Variants in SFXN4 observed in about 807,000 individuals in gnomAD.
SFXN4 encodes sideroflexin 4, also known as sideroflexin-4.
In SFXN4, 48 loss-of-function variants were observed where a neutral mutation model predicts 54.6. The ratio of observed to expected loss-of-function variants is 0.88; its 90% CI spans 0.70 to 1.12. The LOEUF is 1.12. Ranked by LOEUF, SFXN4 falls within the 50% of genes most tolerant of loss-of-function variation. SFXN4 has a pLI of 0.00. For missense variants in SFXN4, 383 were observed against 409.2 expected, an observed-to-expected ratio of 0.94 and a Z score of 0.55; for synonymous variants, 130 against 145.5, an observed-to-expected ratio of 0.89 and a Z score of 0.77.
rs1226607664 is a variant in SFXN4, at chr10:119,162,380, G to A, written c.212C>T (p.Thr71Ile). ...GGCAGGGCTGGAAACATCTTCATTTGTGCACAATAGTTGCCTCGAGTTTTC... is the reference window on the plus strand; with the variant it reads ...GGCAGGGCTGGAAACATCTTCATTTATGCACAATAGTTGCCTCGAGTTTTC... Reference protein sequence around the residue: ...SIENSRQLLCTNEDVSSPASA... With the variant: ...SIENSRQLLCINEDVSSPASA... Residue 71 changes from threonine (T) to isoleucine (I), a missense_variant, in exon 3 of 14, where the codon ACA becomes ATA. Transcript: ENST00000355697. 3.1e-6 allele frequency: 5 copies of A among 1,614,110 alleles called. No homozygotes were observed. The highest frequency in any genetic ancestry group is 3.4e-6 in the Non-Finnish European group (4 of 1,180,000).
chr10:119,149,971 A>G (rs896746187), intron 11 of SFXN4, among the ~76,000 whole-genome samples: 1 of 152,098 alleles, frequency 6.6e-6, no homozygotes, highest in African/African-American at 2.4e-5. Context: ...GTCGGGGGAA[A>G]CAACAGCCAC....
chr10:119,142,136 G>A lies in SFXN4; in HGVS notation c.937-817C>T, dbSNP rs79670158. ...GGATCACTTGAGCCTGGGAGTCAAG[G>A]CTGCAGTAAGCCATGATCATACCAC... On this transcript the variant is annotated intron_variant, in intron 13 of 13. Coordinates refer to ENST00000355697, the MANE Select transcript of SFXN4 (RefSeq NM_213649.2). 5.4e-3 allele frequency among the ~76,000 whole-genome samples: 819 copies of A among 152,244 alleles called. 18 individuals are homozygous for A. Among genetic ancestry groups the A allele is most frequent in the East Asian group, 0.044 (227 of 5,188 alleles).
At chr10:119,147,144 G>A (rs1365394925) in intron 12 of SFXN4, among the ~76,000 whole-genome samples, 3 of 152,200 alleles carry the variant, frequency 2.0e-5, no homozygotes, top group Non-Finnish European at 4.4e-5. Context: ...AGGAGAGAAG[G>A]ACTCGACACC....
At chr10:119,154,938 C>T (rs1393736487) in intron 11 of SFXN4, 124 bp downstream of exon 11, 1 of 652,634 alleles carries the variant, frequency 1.5e-6, no homozygotes. Flanking sequence ...TCTCTCTCAG[C>T]ATGCTAAGGA....
Position 119,155,166 on chromosome 10 carries a change from C to T in SFXN4, c.628G>A (p.Gly210Arg), listed in dbSNP as rs748015385. ...LPVIFLVQAS[G>R]MNVYMSRSLE... ...CTTCGGGACATGTAGACATTCATTC[C>T]ACTGGCTTGCACTGTAGATGTAAAG... Residue 210 changes from glycine to arginine, a missense_variant, in exon 11 of 14, where the codon GGA becomes AGA. Physicochemically the swap from Gly to Arg is moderately radical, Grantham distance 125. Coordinates refer to ENST00000355697, the MANE Select transcript of SFXN4 (RefSeq NM_213649.2). 16 of 1,611,494 alleles carry T rather than the reference C, an allele frequency of 9.9e-6. No individual in the cohort carries two copies. The highest frequency in any genetic ancestry group is 1.3e-5 in the Non-Finnish European group (15 of 1,177,568).
intron 1 of SFXN4, 105 bp downstream of exon 1, chr10:119,165,432 A>C: frequency 7.4e-7 from 1 of 1,349,588 alleles, no homozygotes; most frequent in Non-Finnish European, 9.5e-7. Context: ...AAACGGAGAC[A>C]GGGGGCGCCC....
intron 5 of SFXN4, among the ~76,000 whole-genome samples, chr10:119,160,191 T>C (rs1307674254): frequency 1.3e-5 from 2 of 151,442 alleles, no homozygotes; most frequent in Non-Finnish European, 2.9e-5. Context: ...AAAATGACAA[T>C]AATAATAAAG....
At position 119,146,256 on chromosome 10, in the gene SFXN4, T is replaced by C. The variant is rs748427547; in HGVS notation, c.916A>G (p.Ile306Val). The change falls in exon 13 of 14, where the codon ATA (isoleucine) becomes GTA (valine). Residue 306 changes from isoleucine (I) to valine (V), a missense_variant. Transcript: ENST00000355697. ...CTTACCTGTCCAATCTGTGGAAATATACTAAAAGAAAATGGCACCATCAGT... is the reference window on the plus strand; with the variant it reads ...CTTACCTGTCCAATCTGTGGAAATACACTAAAAGAAAATGGCACCATCAGT... ...MGLMVPFSFS[I>V]FPQIGQIQYC... 9.9e-6 allele frequency: 16 copies of C among 1,608,844 alleles called. No individual in the cohort carries two copies. Among genetic ancestry groups the C allele is most frequent in the Middle Eastern group, 1.7e-4 (1 of 6,056 alleles).
At chr10:119,150,137 A>G (rs545281836) in intron 11 of SFXN4, among the ~76,000 whole-genome samples, 111 of 143,860 alleles carry the variant, frequency 7.7e-4, no homozygotes, top group African/African-American at 2.4e-3. Flanking sequence ...TTCTTCAGAG[A>G]AAAAAAAGAC....
At chr10:119,153,377 C>A (rs1847150307) in intron 11 of SFXN4, among the ~76,000 whole-genome samples, 1 of 143,518 alleles carries the variant, frequency 7.0e-6, no homozygotes, top group Non-Finnish European at 1.5e-5. Flanking sequence ...CCATTGCACT[C>A]CAGCGACAGA....
intron 10 of SFXN4, among the ~76,000 whole-genome samples, chr10:119,155,654 GGC>G (rs769013511): frequency 3.3e-5 from 5 of 152,016 alleles, no homozygotes; most frequent in Non-Finnish European, 5.9e-5. Context: ...CACCACGCCC[GGC>G]TAATTTTTGT....
At chr10:119,162,554 G>C in intron 2 of SFXN4, 140 bp from the exon 3 acceptor site, 1 of 678,288 alleles carries the variant, frequency 1.5e-6, no homozygotes, top group Non-Finnish European at 2.6e-6. Context: ...TGGTGCCCTA[G>C]GCTCTCTATC....
intron 1 of SFXN4, among the ~76,000 whole-genome samples, chr10:119,164,595 G>C (rs1360722203): frequency 6.6e-6 from 1 of 152,074 alleles, no homozygotes; most frequent in African/African-American, 2.4e-5. Flanking sequence ...TTGCTATAAG[G>C]CTTCACTCCA....
In SFXN4 at chr10:119,161,043, G is replaced by A. The variant is rs1299878041; in HGVS notation, c.279+12C>T. 1 of 1,614,072 alleles carries A rather than the reference G, an allele frequency of 6.2e-7. No individual in the cohort carries two copies. Among genetic ancestry groups the A allele is most frequent in the South Asian group, 1.1e-5 (1 of 91,076 alleles). On this transcript the variant is annotated intron_variant, in intron 4 of 13. Coordinates refer to ENST00000355697, the MANE Select transcript of SFXN4 (RefSeq NM_213649.2). ...ATAGGACACTAAAAATTAGGAAGGG[G>A]CTGAAACTTACAAGACTCCGCTTCC...
chr10:119,160,849 CAG>C (rs780868443), intron 5 of SFXN4, 64 bp downstream of exon 5: 29 of 1,526,230 alleles, frequency 1.9e-5, no homozygotes, highest in Non-Finnish European at 2.5e-5. Flanking sequence ...ATCCGGCAGG[CAG>C]AGTTTTCTAA....
At chr10:119,144,752 C>G (rs1408123269) in intron 13 of SFXN4, among the ~76,000 whole-genome samples, 1 of 152,048 alleles carries the variant, frequency 6.6e-6, no homozygotes, top group Non-Finnish European at 1.5e-5. Context: ...CTGGGCTGTC[C>G]AATAGCCACT....
chr10:119,162,067 T>A (rs955548506), intron 3 of SFXN4: 27 of 458,076 alleles, frequency 5.9e-5, no homozygotes, highest in Non-Finnish European at 8.4e-5. Flanking sequence ...TCCCCACAAA[T>A]ATCCACTGTG....
At chr10:119,152,388 T>C (rs1461289932) in intron 11 of SFXN4, among the ~76,000 whole-genome samples, 3 of 151,994 alleles carry the variant, frequency 2.0e-5, no homozygotes, top group African/African-American at 7.3e-5. Context: ...CAGGCAATTC[T>C]CCTGCCTCAG....
intron 13 of SFXN4, among the ~76,000 whole-genome samples, chr10:119,142,906 G>C (rs1235361723): frequency 6.6e-6 from 1 of 150,806 alleles, no homozygotes; most frequent in African/African-American, 2.4e-5. Context: ...TAATTTTTTT[G>C]TATTTTTAGT....
Sources: gnomAD v4.1 joint callset for allele counts (sites outside exome capture counted in the v4.1 genomes callset) on GRCh38, gnomAD v4.1.1 for gene constraint, MANE v1.5 for transcripts, NCBI Gene and HGNC (gene_info 2026-07-23, HGNC 2026-07-21) for gene names.